The following LCA5 variants were observed in gnomAD, a reference collection of about 807,000 sequenced individuals.
The protein encoded by LCA5 is lebercilin LCA5, also known as lebercilin.
Under a neutral mutation model 53.0 loss-of-function variants are expected in LCA5, and 37 were observed. The observed-to-expected ratio is 0.70, with a 90% CI of 0.54 to 0.92. The LOEUF (loss-of-function observed/expected upper bound fraction) is 0.92. LCA5 is among the 40% of genes least tolerant of loss of function. The probability of loss-of-function intolerance (pLI) is 0.00; values close to 1 mark genes in which losing one functional copy is unlikely to be tolerated. For synonymous variants in LCA5, 303 were observed against 282.9 expected (o/e 1.07, Z -0.71); for missense variants, 806 against 790.5 (o/e 1.02, Z -0.23).
chr6:79,520,947 C>T (rs77990303), intron 1 of LCA5, among the ~76,000 whole-genome samples: 2 of 152,010 alleles, frequency 1.3e-5, no homozygotes, highest in Non-Finnish European at 2.9e-5. Context: ...AAAATGGGTT[C>T]GCTAGGGTAG....
intron 1 of LCA5, among the ~76,000 whole-genome samples, chr6:79,531,302 T>A (rs11756486): frequency 0.15 from 23,438 of 152,122 alleles, 2,009 homozygotes; most frequent in East Asian, 0.22. Flanking sequence ...TTTACTCATC[T>A]TCTTTCCCAT....
At chr6:79,534,873 C>T (rs1251978564) in intron 1 of LCA5, among the ~76,000 whole-genome samples, 1 of 152,130 alleles carries the variant, frequency 6.6e-6, no homozygotes, top group African/African-American at 2.4e-5. Flanking sequence ...ACTGCAAATA[C>T]TTTACAACTG....
chr6:79,499,731 C>T (rs1348676454), intron 3 of LCA5, among the ~76,000 whole-genome samples: 1 of 149,576 alleles, frequency 6.7e-6, no homozygotes, highest in Non-Finnish European at 1.5e-5. Flanking sequence ...TTTTAGGGTA[C>T]ATGTGCACAA....
intron 5 of LCA5, 72 bp from the exon 6 acceptor site, chr6:79,491,802 G>GCA: frequency 1.7e-6 from 2 of 1,159,454 alleles, no homozygotes; most frequent in Non-Finnish European, 2.5e-6. Context: ...CAGCTGGCAT[G>GCA]TATATATATA....
chr6:79,489,035 C>A, intron 7 of LCA5, 49 bp downstream of exon 7: 1 of 1,604,962 alleles, frequency 6.2e-7, no homozygotes, highest in Non-Finnish European at 8.5e-7. Flanking sequence ...CTCTTTCTTT[C>A]TCAAGGGATG....
chr6:79,502,346 G>T (rs904590027), intron 3 of LCA5, among the ~76,000 whole-genome samples: 1 of 152,162 alleles, frequency 6.6e-6, no homozygotes, highest in African/African-American at 2.4e-5. Flanking sequence ...TAATCCAATA[G>T]TTATGCTTCC....
intron 1 of LCA5, among the ~76,000 whole-genome samples, chr6:79,520,153 G>A (rs888410240): frequency 6.6e-6 from 1 of 151,918 alleles, no homozygotes; most frequent in Non-Finnish European, 1.5e-5. Flanking sequence ...AATATTTAAT[G>A]TAGTACAGTA....
At chr6:79,522,318 A>T (rs1352167032) in intron 1 of LCA5, among the ~76,000 whole-genome samples, 2 of 152,134 alleles carry the variant, frequency 1.3e-5, no homozygotes, top group Non-Finnish European at 2.9e-5. Flanking sequence ...CTGTATTGCT[A>T]CAGAAAAGTA....
At position 79,518,753 on chromosome 6, in the gene LCA5, T is replaced by A. The variant is rs1766524422; in HGVS notation, c.142A>T (p.Arg48Ter). ...LVSSSPASVR[R>*]KNPKRQTSDG... is the part of the protein sequence containing the mutation. Reference sequence around the variant, plus strand: ...GAAGTTTGTCTTTTAGGATTTTTTCTCCTAACACTTGCAGGTGAAGAACTG... The same window carrying A: ...GAAGTTTGTCTTTTAGGATTTTTTCACCTAACACTTGCAGGTGAAGAACTG... Residue 48 changes from arginine (R) to a stop codon, truncating the protein, a stop_gained, in exon 2 of 8, where the codon AGA becomes TGA. Coordinates refer to ENST00000369846, the MANE Select transcript of LCA5 (RefSeq NM_001122769.3). LOFTEE classifies it high-confidence loss of function. 2 of 1,614,052 alleles carry A rather than the reference T, an allele frequency of 1.2e-6. No homozygotes were observed. Among genetic ancestry groups the A allele is most frequent in the Admixed American group, 3.3e-5 (2 of 60,004 alleles).
chr6:79,492,496 C>A, intron 5 of LCA5, 55 bp downstream of exon 5: 1 of 803,738 alleles, frequency 1.2e-6, no homozygotes, highest in South Asian at 1.6e-5. Flanking sequence ...AATTATTGTA[C>A]TATCACTAAA....
intron 3 of LCA5, among the ~76,000 whole-genome samples, chr6:79,500,827 A>AT (rs71547766): frequency 0.12 from 18,541 of 151,848 alleles, 1,241 homozygotes; most frequent in Non-Finnish European, 0.15. Context: ...AGTAAGTTAC[A>AT]TTTTTCCTTA....
chr6:79,529,138 A>G (rs1332064087), intron 1 of LCA5, among the ~76,000 whole-genome samples: 1 of 152,232 alleles, frequency 6.6e-6, no homozygotes, highest in Non-Finnish European at 1.5e-5. Flanking sequence ...GAGATTAATT[A>G]AAACGGCTAT....
In LCA5 at chr6:79,513,351, C is replaced by G; in HGVS notation, c.581G>C (p.Ser194Thr). 6.2e-7 allele frequency: 1 copy of G among 1,613,790 alleles called. No homozygotes were observed. The highest frequency in any genetic ancestry group is 8.5e-7 in the Non-Finnish European group (1 of 1,179,842). The stretch of plus-strand genomic sequence containing the variant: ...GGAAAATTTTGTCCTAAATAGTTCA[C>G]TTTCTGTATCTTTTACCCTTTTCTC... ...ATEKRVKDTESELFRTKFSLQ... is the reference protein window; with the variant it reads ...ATEKRVKDTETELFRTKFSLQ... Residue 194 changes from serine to threonine, a missense_variant, in exon 3 of 8, where the codon AGT becomes ACT. Transcript: ENST00000369846.
chr6:79,521,760 T>C (rs555974720), intron 1 of LCA5, among the ~76,000 whole-genome samples: 1 of 152,206 alleles, frequency 6.6e-6, no homozygotes, highest in South Asian at 2.1e-4. Flanking sequence ...CACTTCCCAT[T>C]GAAAGAACCT....
At chr6:79,528,386 T>C (rs1010567852) in intron 1 of LCA5, among the ~76,000 whole-genome samples, 1 of 152,068 alleles carries the variant, frequency 6.6e-6, no homozygotes, top group African/African-American at 2.4e-5. Flanking sequence ...CACTCAGCTC[T>C]CCACATACCC....
rs374404694 is a variant in LCA5 at position 79,499,614 on chromosome 6, A to C, written c.721-5864T>G. Among the ~76,000 whole-genome samples, 38 of 150,458 alleles carry C rather than the reference A, an allele frequency of 2.5e-4. No homozygotes were observed. The South Asian group carries it at 6.2e-3, about 24-fold the overall frequency. ...ATTAAAGAAACAATCAATAAGGAAG[A>C]AAATGCAAATAGTAGTTATCTTCGG... On this transcript the variant is annotated intron_variant, in intron 3 of 7. Transcript: ENST00000369846.
intron 3 of LCA5, among the ~76,000 whole-genome samples, chr6:79,495,699 C>T (rs1473640195): frequency 1.4e-5 from 2 of 146,886 alleles, no homozygotes; most frequent in Non-Finnish European, 3.0e-5. Flanking sequence ...TGCAGTGAGC[C>T]GAGATCATGC....
intron 3 of LCA5, among the ~76,000 whole-genome samples, chr6:79,494,449 A>G (rs1424041168): frequency 2.0e-5 from 3 of 152,102 alleles, no homozygotes; most frequent in Admixed American, 6.6e-5. Context: ...ATAACTTGTC[A>G]AGACATCATT....
intron 3 of LCA5, among the ~76,000 whole-genome samples, chr6:79,496,936 A>G (rs1350965713): frequency 6.6e-6 from 1 of 152,180 alleles, no homozygotes; most frequent in Non-Finnish European, 1.5e-5. Context: ...AATCCATCAG[A>G]TTGGCCTAAA....
Sources: allele counts gnomAD v4.1 joint callset (sites outside exome capture counted in the v4.1 genomes callset), GRCh38; gene constraint gnomAD v4.1.1; transcripts MANE v1.5; gene names NCBI Gene and HGNC (gene_info 2026-07-23, HGNC 2026-07-21).